Variants in CPE observed in about 807,000 individuals in gnomAD.
The protein encoded by CPE is carboxypeptidase E, also known as carbocypeptidase E.
Under a neutral mutation model 53.5 loss-of-function variants are expected in CPE, and 17 were observed. That is an observed-to-expected ratio of 0.32 (90% CI 0.22 to 0.48). CPE has a LOEUF of 0.48. Ranked by LOEUF, CPE falls within the 20% of genes least tolerant of loss-of-function variation. The probability of loss-of-function intolerance (pLI) is 0.99; values close to 1 mark genes in which losing one functional copy is unlikely to be tolerated. For missense variants in CPE, 524 were observed against 614.7 expected (o/e 0.85, Z 1.56); for synonymous variants, 226 against 228.8 (o/e 0.99, Z 0.11).
chr4:165,420,758 T>C (rs1731198112), intron 1 of CPE, among the ~76,000 whole-genome samples: 1 of 152,170 alleles, frequency 6.6e-6, no homozygotes, highest in South Asian at 2.1e-4. Flanking sequence ...TAGTCAAGCA[T>C]TCAAATAACC....
At chr4:165,407,070 G>C (rs1183188904) in intron 1 of CPE, among the ~76,000 whole-genome samples, 3 of 152,072 alleles carry the variant, frequency 2.0e-5, no homozygotes, top group African/African-American at 7.2e-5. Flanking sequence ...AGTTTTTTTT[G>C]TGGATATGTG....
chr4:165,399,104 G>A (rs902341924), intron 1 of CPE, among the ~76,000 whole-genome samples: 1 of 152,114 alleles, frequency 6.6e-6, no homozygotes, highest in South Asian at 2.1e-4. Flanking sequence ...TAATCTTGAT[G>A]TGCCTAAAAA....
At chr4:165,462,775 A>G (rs2126699561) in intron 1 of CPE, among the ~76,000 whole-genome samples, 1 of 152,254 alleles carries the variant, frequency 6.6e-6, no homozygotes, top group Admixed American at 6.5e-5. Context: ...GGGGGTATAA[A>G]TAGCCCCGAT....
At chr4:165,392,362 A>T (rs1446072453) in intron 1 of CPE, among the ~76,000 whole-genome samples, 1 of 146,458 alleles carries the variant, frequency 6.8e-6, no homozygotes, top group Non-Finnish European at 1.5e-5. Flanking sequence ...ATATACATAT[A>T]TCATATATTT....
At chr4:165,395,774 C>T (rs1307124335) in intron 1 of CPE, among the ~76,000 whole-genome samples, 4 of 152,146 alleles carry the variant, frequency 2.6e-5, no homozygotes, top group African/African-American at 9.7e-5. Context: ...AGAGAATGCT[C>T]ACTAGGCACA....
Position 165,396,747 on chromosome 4 carries a change from A to C in CPE, c.307+17219A>C, listed in dbSNP as rs944173145. Among the ~76,000 whole-genome samples the C allele has an allele frequency of 7.3e-5, 11 of 151,628 alleles. No individual in the cohort carries two copies. The South Asian group carries it at 2.1e-3, about 29-fold the overall frequency. ...ATATAATATTTAAGGTTAGAGAAGA[A>C]GGCTGAGTGTGGTGGCTCACTCCTG... On this transcript the variant is annotated intron_variant, in intron 1 of 8. Transcript: ENST00000402744.
intron 1 of CPE, among the ~76,000 whole-genome samples, chr4:165,383,705 CAA>C (rs1214890091): frequency 6.6e-6 from 1 of 152,044 alleles, no homozygotes; most frequent in Non-Finnish European, 1.5e-5. Context: ...TTAATGCTGG[CAA>C]AGTTTCCACA....
rs1345372879 is a variant in CPE, at chr4:165,417,219, A to G, written c.307+37691A>G. Among the ~76,000 whole-genome samples the G allele has an allele frequency of 2.7e-5, 4 of 148,508 alleles. No individual in the cohort carries two copies. The East Asian group carries it at 8.4e-4, about 31-fold the overall frequency. On this transcript the variant is annotated intron_variant, in intron 1 of 8. Transcript: ENST00000402744. ...GTTATAAAAATTGGGAAACTGTCCAATTCTCCTTAGTTTAGACTTTAAAAA... is the reference window on the plus strand; with the variant it reads ...GTTATAAAAATTGGGAAACTGTCCAGTTCTCCTTAGTTTAGACTTTAAAAA...
intron 1 of CPE, among the ~76,000 whole-genome samples, chr4:165,429,985 G>A (rs1731382282): frequency 6.6e-6 from 1 of 152,026 alleles, no homozygotes; most frequent in South Asian, 2.1e-4. Context: ...GAGAAATTCT[G>A]CAGGTAATTT....
chr4:165,449,077 A>G (rs1731766272), intron 1 of CPE, among the ~76,000 whole-genome samples: 1 of 152,234 alleles, frequency 6.6e-6, no homozygotes, highest in Admixed American at 6.5e-5. Flanking sequence ...TGTATATTAA[A>G]TGAATTAATA....
At chr4:165,404,047 G>C (rs1579245543) in intron 1 of CPE, 22 of 892,930 alleles carry the variant, frequency 2.5e-5, no homozygotes, top group Middle Eastern at 3.4e-4. Context: ...CACTGACTGA[G>C]TGAGGCATGA....
intron 1 of CPE, among the ~76,000 whole-genome samples, chr4:165,386,592 C>T (rs1016359431): frequency 6.6e-6 from 1 of 152,136 alleles, no homozygotes; most frequent in Non-Finnish European, 1.5e-5. Flanking sequence ...GAGAAATATA[C>T]CAATGTGAAT....
rs182980431 is a variant in CPE at position 165,405,202 on chromosome 4, A to G, written c.307+25674A>G. On this transcript the variant is annotated intron_variant, in intron 1 of 8. Coordinates refer to ENST00000402744, the MANE Select transcript of CPE (RefSeq NM_001873.4). ...CAGTGAGTGTGGCATCTTTAAGTAT[A>G]GTCTTTCGCCCCTTATCCACGGAGA... The G allele has an allele frequency of 1.4e-4, 112 of 782,550 alleles. 1 individual carries two copies. The African/African-American group carries it at 1.6e-3, about 11-fold the overall frequency. The allele number at this position is 782,550 out of a possible 1,614,324, so 48.5% of individuals were successfully genotyped here.
chr4:165,413,165 C>T (rs566604660), intron 1 of CPE, among the ~76,000 whole-genome samples: 2 of 152,336 alleles, frequency 1.3e-5, no homozygotes, highest in African/African-American at 4.8e-5. Flanking sequence ...TTCCCCTCTT[C>T]CCTCTTACTC....
At chr4:165,456,993 C>CTGGGATTA (rs1178738282) in intron 1 of CPE, among the ~76,000 whole-genome samples, 1 of 152,134 alleles carries the variant, frequency 6.6e-6, no homozygotes, top group African/African-American at 2.4e-5. Context: ...CCCGCCACTG[C>CTGGGATTA]CTCCCAAAGT....
chr4:165,492,480 C>T (rs1008063906), intron 6 of CPE, among the ~76,000 whole-genome samples: 5 of 152,096 alleles, frequency 3.3e-5, no homozygotes, highest in South Asian at 2.1e-4. Context: ...CCTCAGACAC[C>T]GAGTTAAAGA....
In CPE at chr4:165,442,045, TTG is replaced by T. The variant is rs1304621965; in HGVS notation, c.308-22343_308-22342del. Among the ~76,000 whole-genome samples, 75 of 103,620 alleles carry T rather than the reference TTG, an allele frequency of 7.2e-4. 6 individuals carry two copies. Among genetic ancestry groups the T allele is most frequent in the East Asian group, 1.7e-3 (5 of 2,882 alleles). The allele number at this position is 103,620 out of a possible 152,430, so 68.0% of individuals were successfully genotyped here. A position where few individuals can be genotyped will look rare whatever the true frequency, so the allele number is the denominator to read the frequency against. On this transcript the variant is annotated intron_variant, in intron 1 of 8. Transcript: ENST00000402744. ...TTTGTTTTTTTTTTTTGTTTTTTTT[TTG>T]TTTTTTTTTTTTTGAGACAGGGTCT...
At chr4:165,402,460 G>A (rs1410426307) in intron 1 of CPE, among the ~76,000 whole-genome samples, 1 of 152,208 alleles carries the variant, frequency 6.6e-6, no homozygotes, top group African/African-American at 2.4e-5. Flanking sequence ...GTAATGCCCA[G>A]TGTTGGAGAC....
chr4:165,495,223 A>G (rs1386686813), intron 7 of CPE, among the ~76,000 whole-genome samples: 2 of 152,210 alleles, frequency 1.3e-5, no homozygotes, highest in African/African-American at 4.8e-5. Context: ...TCAAAACATG[A>G]TGGCTGTATG....
Sources: gnomAD v4.1 joint callset for allele counts (sites outside exome capture counted in the v4.1 genomes callset) on GRCh38, gnomAD v4.1.1 for gene constraint, MANE v1.5 for transcripts, NCBI Gene and HGNC (gene_info 2026-07-23, HGNC 2026-07-21) for gene names.